The following TRIM49C variants were observed in gnomAD, a reference collection of about 807,000 sequenced individuals.
The protein encoded by TRIM49C is tripartite motif containing 49C.
In TRIM49C, 6 loss-of-function variants were observed where a neutral mutation model predicts 21.4. That is an observed-to-expected ratio of 0.28 (90% CI 0.15 to 0.55). TRIM49C has a LOEUF of 0.55. Ranked by LOEUF, TRIM49C falls within the 20% of genes least tolerant of loss-of-function variation. TRIM49C has a pLI of 0.94. For synonymous variants in TRIM49C, 57 were observed against 148.1 expected (o/e 0.38, Z 4.47); for missense variants, 161 against 442.4 (o/e 0.36, Z 5.71).
Position 90,038,580 on chromosome 11 carries a change from A to C in TRIM49C, c.739-113A>C. The C allele has an allele frequency of 5.1e-6, 6 of 1,187,252 alleles. 1 individual carries two copies. The highest frequency in any genetic ancestry group is 6.8e-6 in the Non-Finnish European group (6 of 879,558). The allele number at this position is 1,187,252 out of a possible 1,614,324, so 73.5% of individuals were successfully genotyped here. A position where few individuals can be genotyped will look rare whatever the true frequency, so the allele number is the denominator to read the frequency against. On this transcript the variant is annotated intron_variant, in intron 5 of 7. Coordinates refer to ENST00000448984, the MANE Select transcript of TRIM49C (RefSeq NM_001195234.1). ...AAATAGAAAATACTTTCCAGAAGAG[A>C]AGATGGTAGGGAAATAATATCTTCA...
In TRIM49C at chr11:90,032,485, A is replaced by C. The variant is rs1950694527; in HGVS notation, c.-102A>C. ...AGAACTGCATTTTGGCGACCTCTGAAATTCAGTACTGCAGTGAATGAGCTT... is the reference window on the plus strand; with the variant it reads ...AGAACTGCATTTTGGCGACCTCTGACATTCAGTACTGCAGTGAATGAGCTT... On this transcript the variant is annotated 5_prime_UTR_variant, in exon 2 of 8. Coordinates refer to ENST00000448984, the MANE Select transcript of TRIM49C (RefSeq NM_001195234.1). 1 of 129,904 alleles carries C rather than the reference A, an allele frequency of 7.7e-6. No homozygotes were observed. The highest frequency in any genetic ancestry group is 1.6e-5 in the Non-Finnish European group (1 of 61,086). 8.0% of individuals were successfully genotyped at this position (129,904 alleles called of 1,614,324 possible). A position where few individuals can be genotyped will look rare whatever the true frequency, so the allele number is the denominator to read the frequency against.
the TRIM49C span, among the ~76,000 whole-genome samples, chr11:90,071,498 G>A: frequency 1.2e-4 from 17 of 143,564 alleles, no homozygotes; most frequent in African/African-American, 4.3e-4. Flanking sequence ...TAGGGAGAGA[G>A]GCATTTATCT....
chr11:90,073,325 T>C, the TRIM49C span: 11 of 829,498 alleles, frequency 1.3e-5, 1 homozygote, highest in Admixed American at 1.1e-4. Flanking sequence ...TTCCCTCATA[T>C]GGAATTACCC....
chr11:90,070,994 C>G, the TRIM49C span: 13 of 387,154 alleles, frequency 3.4e-5, no homozygotes, highest in African/African-American at 2.6e-4. Context: ...TGGGGATTTG[C>G]CATGTTGTCC....
At chr11:90,035,665 A>G (rs1326793508) in intron 3 of TRIM49C, 43 bp downstream of exon 3, 3 of 1,380,370 alleles carry the variant, frequency 2.2e-6, no homozygotes, top group Non-Finnish European at 2.9e-6. Flanking sequence ...AAGGAAGCAT[A>G]AAATTCCTGT....
In TRIM49C at chr11:90,039,813, TTTTA is replaced by T; in HGVS notation, c.762-44_762-41del. 2.4e-6 allele frequency: 3 copies of T among 1,259,368 alleles called. No individual in the cohort carries two copies. The South Asian group carries it at 4.2e-5, about 17-fold the overall frequency. 78.0% of individuals were successfully genotyped at this position (1,259,368 alleles called of 1,614,324 possible). ...ATGTCTTTTATATACAAATAGTGAT[TTTTA>T]TTTATTTTATGGCTGTAGATGTTGT... On this transcript the variant is annotated intron_variant, in intron 6 of 7. Transcript: ENST00000448984.
chr11:90,073,205 T>C, the TRIM49C span: 5 of 839,480 alleles, frequency 6.0e-6, 2 homozygotes, highest in Admixed American at 1.2e-4. Flanking sequence ...TTTCAGTCTC[T>C]TGACCACCTC....
chr11:90,071,462 T>G, the TRIM49C span, among the ~76,000 whole-genome samples: 1 of 143,004 alleles, frequency 7.0e-6, no homozygotes, highest in African/African-American at 2.5e-5. Context: ...AGAATCATAA[T>G]TAGAGATCAA....
At chr11:90,042,604 T>TA (rs976100120), downstream of TRIM49C, among the ~76,000 whole-genome samples, 9 of 120,196 alleles carry the variant, frequency 7.5e-5, 2 homozygotes, top group South Asian at 9.3e-4. Context: ...CAGGCCCTCA[T>TA]AAAAAAATAC....
At chr11:90,055,490 C>A in the TRIM49C span, among the ~76,000 whole-genome samples, 4 of 150,812 alleles carry the variant, frequency 2.7e-5, no homozygotes, top group Non-Finnish European at 5.9e-5. Context: ...GAACAAATCT[C>A]TTGGGTTATT....
Position 90,032,447 on chromosome 11 carries a change from A to T in TRIM49C, c.-140A>T, listed in dbSNP as rs1950694265. 1.5e-5 allele frequency: 2 copies of T among 129,406 alleles called. 1 individual carries two copies. The allele number at this position is 129,406 out of a possible 1,614,324, so 8.0% of individuals were successfully genotyped here. ...ACAAGCTCAGTTTTCTCTGAAGGAG[A>T]AGGACTGCACTTAGAACTGCATTTT... is the stretch of plus-strand genomic sequence containing the variant. On this transcript the variant is annotated 5_prime_UTR_variant, in exon 2 of 8. An upstream open reading frame in the 5' UTR gains an earlier in-frame stop. Transcript: ENST00000448984.
the TRIM49C span, chr11:90,053,250 G>A: frequency 5.8e-3 from 829 of 144,118 alleles, 10 homozygotes; most frequent in African/African-American, 0.02. Context: ...AGTGTCTAAG[G>A]CAACAGTGCC....
At chr11:90,055,980 A>C in the TRIM49C span, among the ~76,000 whole-genome samples, 1 of 104,484 alleles carries the variant, frequency 9.6e-6, no homozygotes, top group African/African-American at 3.6e-5. Flanking sequence ...TTTTTTTGAG[A>C]CGGAGTCCCG....
chr11:90,052,093 A>C, the TRIM49C span: 2 of 537,564 alleles, frequency 3.7e-6, no homozygotes, highest in Admixed American at 4.2e-5. Flanking sequence ...CAGGCGCTGC[A>C]GGGGCAGGAG....
chr11:90,067,521 G>C, the TRIM49C span, among the ~76,000 whole-genome samples: 4 of 146,720 alleles, frequency 2.7e-5, no homozygotes. Context: ...TGTTCACAAA[G>C]AGATTCTCAG....
At chr11:90,059,922 A>C in the TRIM49C span, among the ~76,000 whole-genome samples, 1 of 140,688 alleles carries the variant, frequency 7.1e-6, no homozygotes, top group Non-Finnish European at 1.5e-5. Flanking sequence ...TTTTTTTTTA[A>C]CCTCCCACCC....
intron 4 of TRIM49C, among the ~76,000 whole-genome samples, chr11:90,037,382 G>A (rs1442829851): frequency 7.5e-6 from 1 of 133,768 alleles, no homozygotes; most frequent in African/African-American, 2.7e-5. Context: ...GCAACTTGTT[G>A]CATATCTCAG....
chr11:90,060,115 C>A, the TRIM49C span, among the ~76,000 whole-genome samples: 30 of 143,268 alleles, frequency 2.1e-4, no homozygotes, highest in African/African-American at 7.2e-4. Flanking sequence ...AGAAGAAGAC[C>A]TCAGGCCCTC....
At chr11:90,069,940 C>T in the TRIM49C span, among the ~76,000 whole-genome samples, 19 of 126,164 alleles carry the variant, frequency 1.5e-4, 4 homozygotes, top group African/African-American at 2.5e-4. Context: ...TTGACCTCGA[C>T]GGCATCCTCC....
Sources: gnomAD v4.1 joint callset for allele counts (sites outside exome capture counted in the v4.1 genomes callset) on GRCh38, gnomAD v4.1.1 for gene constraint, MANE v1.5 for transcripts, NCBI Gene and HGNC (gene_info 2026-07-23, HGNC 2026-07-21) for gene names.